The following NKIRAS1 variants were observed in gnomAD, a reference collection of about 807,000 sequenced individuals.
NKIRAS1 encodes the protein NF-kappa-B inhibitor-interacting Ras-like protein 1.
Under a neutral mutation model 19.8 loss-of-function variants are expected in NKIRAS1, and 16 were observed. The ratio of observed to expected loss-of-function variants is 0.81; its 90% CI spans 0.55 to 1.23. The LOEUF (loss-of-function observed/expected upper bound fraction) is 1.23, where lower values mean the gene tolerates loss of function less well. NKIRAS1 is among the 50% of genes most tolerant of loss of function. The pLI, the probability that NKIRAS1 is intolerant of heterozygous loss-of-function variation, is 0.00. For missense variants in NKIRAS1, 184 were observed against 220.0 expected, an observed-to-expected ratio of 0.84 and a Z score of 1.04; for synonymous variants, 88 against 79.0, an observed-to-expected ratio of 1.11 and a Z score of -0.61.
chr3:23,904,119 C>T (rs763701473), intron 3 of NKIRAS1, among the ~76,000 whole-genome samples: 21 of 152,000 alleles, frequency 1.4e-4, no homozygotes, highest in Non-Finnish European at 2.8e-4. Flanking sequence ...GAGCTGAGAT[C>T]GTGCCACTGC....
chr3:23,943,788 A>AT lies in NKIRAS1; in HGVS notation c.-140+2534dup, dbSNP rs774521201. Among the ~76,000 whole-genome samples the AT allele has an allele frequency of 7.2e-5, 11 of 152,348 alleles. No homozygotes were observed. The East Asian group carries it at 1.7e-3, about 24-fold the overall frequency. On this transcript the variant is annotated intron_variant, in intron 1 of 4. Transcript: ENST00000421515. ...TAGGGAAGAATAGAGGGCTACCGTG[A>AT]TTAGGGAACTGTGTTTAGAAGGGTT...
At position 23,926,159 on chromosome 3, in the gene NKIRAS1, T is replaced by C. The variant is rs1705207928; in HGVS notation, c.-139-14709A>G. Among the ~76,000 whole-genome samples, 1 of 152,108 alleles carries C rather than the reference T, an allele frequency of 6.6e-6. No homozygotes were observed. Among genetic ancestry groups the C allele is most frequent in the African/African-American group, 2.4e-5 (1 of 41,434 alleles). On this transcript the variant is annotated intron_variant, in intron 1 of 4. Coordinates refer to the NKIRAS1 transcript ENST00000421515. The surrounding 1 kb of genome is among the most constrained non-coding windows in gnomAD (Gnocchi z 4.3). ...TCTGCCTCCCAGGTTCAAGCAATTC[T>C]CCCTGCCTCAGCCTCCCAAGTAGCT...
intron 1 of NKIRAS1, among the ~76,000 whole-genome samples, chr3:23,914,114 G>A (rs532435018): frequency 6.6e-6 from 1 of 151,342 alleles, no homozygotes; most frequent in Admixed American, 6.6e-5. Flanking sequence ...TTACTTTCCA[G>A]GCTAATCAAT....
intron 1 of NKIRAS1, among the ~76,000 whole-genome samples, chr3:23,931,655 C>A (rs903423478): frequency 3.1e-4 from 47 of 151,702 alleles, no homozygotes; most frequent in Non-Finnish European, 5.1e-4. Context: ...TTTGTTTTGT[C>A]CACCAATACG....
At chr3:23,932,073 T>G (rs1705328002) in intron 1 of NKIRAS1, among the ~76,000 whole-genome samples, 1 of 152,184 alleles carries the variant, frequency 6.6e-6, no homozygotes, top group Non-Finnish European at 1.5e-5. Flanking sequence ...TTGAAGTTTT[T>G]GATTCTCTTT....
At chr3:23,908,571 C>A (rs1703306592) in intron 3 of NKIRAS1, among the ~76,000 whole-genome samples, 1 of 143,316 alleles carries the variant, frequency 7.0e-6, no homozygotes, top group Non-Finnish European at 1.6e-5. Flanking sequence ...TCAATGCCAC[C>A]TTTCTATTTT....
rs1188503251 is a variant in NKIRAS1, at chr3:23,926,257, G to A, written c.-139-14807C>T. Among the ~76,000 whole-genome samples the A allele has an allele frequency of 1.3e-5, 2 of 152,118 alleles. No homozygotes were observed. Among genetic ancestry groups the A allele is most frequent in the African/African-American group, 4.8e-5 (2 of 41,394 alleles). On this transcript the variant is annotated intron_variant, in intron 1 of 4. Transcript: ENST00000421515. This position sits in a 1 kb window ranked among gnomAD's most constrained non-coding sequence, Gnocchi z 4.3. The stretch of plus-strand genomic sequence containing the variant: ...AGTAGAGACAGGGTTTCGCCGTGTT[G>A]GCCAGGCTGGTCTCAAACGCCTGAC...
intron 1 of NKIRAS1, among the ~76,000 whole-genome samples, chr3:23,938,946 G>A (rs1238412409): frequency 2.6e-5 from 4 of 152,190 alleles, no homozygotes; most frequent in African/African-American, 9.6e-5. Flanking sequence ...AGAGGGAAGT[G>A]CCCAGCTAGC....
chr3:23,930,770 A>G (rs956094987), intron 1 of NKIRAS1, among the ~76,000 whole-genome samples: 2 of 152,018 alleles, frequency 1.3e-5, no homozygotes, highest in Non-Finnish European at 2.9e-5. Flanking sequence ...TGACACAATC[A>G]TGGCTCATTG....
chr3:23,920,086 G>A (rs1481591037), upstream of NKIRAS1: 1 of 985,752 alleles, frequency 1.0e-6, no homozygotes, highest in Non-Finnish European at 1.2e-6. Flanking sequence ...TTTTGAAGTT[G>A]AATGTGCGAT....
At chr3:23,913,301 T>G (rs1286311920) in intron 1 of NKIRAS1, among the ~76,000 whole-genome samples, 1 of 152,110 alleles carries the variant, frequency 6.6e-6, no homozygotes, top group Non-Finnish European at 1.5e-5. Flanking sequence ...AGCTAAGAAT[T>G]TTAAGCATTT....
intron 4 of NKIRAS1, among the ~76,000 whole-genome samples, chr3:23,899,332 ATC>A (rs751071611): frequency 2.0e-5 from 3 of 152,126 alleles, no homozygotes; most frequent in Non-Finnish European, 1.5e-5. Context: ...TGGGTAAGGG[ATC>A]TCTCTCTGTT....
chr3:23,899,272 C>T (rs186295436), intron 4 of NKIRAS1, among the ~76,000 whole-genome samples: 15 of 152,186 alleles, frequency 9.9e-5, no homozygotes, highest in African/African-American at 3.4e-4. Flanking sequence ...AACACAAATA[C>T]GGTGGTTATG....
At chr3:23,908,879 T>G (rs1405491728) in intron 3 of NKIRAS1, among the ~76,000 whole-genome samples, 2 of 151,888 alleles carry the variant, frequency 1.3e-5, no homozygotes, top group African/African-American at 4.8e-5. Context: ...CATTTTGTTT[T>G]GTTTTTAGTG....
Position 23,891,610 on chromosome 3 carries a change from T to C in NKIRAS1, c.*1485A>G, listed in dbSNP as rs1327273137. On this transcript the variant is annotated 3_prime_UTR_variant, in exon 5 of 5. Coordinates refer to ENST00000425478, the MANE Select transcript of NKIRAS1 (RefSeq NM_020345.4). ...AGTACATGAGAAATGGGTTCCGTCA[T>C]GGATAAATTGGTACCCTGCCTTAGG... The C allele has an allele frequency of 2.0e-5, 3 of 152,232 alleles. No homozygotes were observed. 9.4% of individuals were successfully genotyped at this position (152,232 alleles called of 1,614,324 possible).
In NKIRAS1 at chr3:23,926,126, C is replaced by G. The variant is rs1189907391; in HGVS notation, c.-139-14676G>C. On this transcript the variant is annotated intron_variant, in intron 1 of 4. Transcript: ENST00000421515. The surrounding 1 kb of genome is among the most constrained non-coding windows in gnomAD (Gnocchi z 4.3). ...AGTGCAGTGGCACAATCTTGGCTCA[C>G]TGTAACCTCTGCCTCCCAGGTTCAA... Among the ~76,000 whole-genome samples, 2 of 152,192 alleles carry G rather than the reference C, an allele frequency of 1.3e-5. No individual in the cohort carries two copies. Among genetic ancestry groups the G allele is most frequent in the Non-Finnish European group, 2.9e-5 (2 of 68,044 alleles).
chr3:23,940,802 T>G (rs1026155044), intron 1 of NKIRAS1, among the ~76,000 whole-genome samples: 1 of 152,274 alleles, frequency 6.6e-6, no homozygotes, highest in Admixed American at 6.5e-5. Context: ...ATACCATGAA[T>G]GGAACGGTAA....
intron 1 of NKIRAS1, among the ~76,000 whole-genome samples, chr3:23,912,148 C>A (rs1703810657): frequency 6.6e-6 from 1 of 152,054 alleles, no homozygotes; most frequent in African/African-American, 2.4e-5. Flanking sequence ...GACTTCATGA[C>A]TAAAACACCA....
intron 1 of NKIRAS1, among the ~76,000 whole-genome samples, chr3:23,934,070 G>A (rs1705357036): frequency 6.6e-6 from 1 of 152,156 alleles, no homozygotes; most frequent in African/African-American, 2.4e-5. Context: ...TTAATTTGGA[G>A]GAACACATTC....
Sources: gnomAD v4.1 joint callset for allele counts (sites outside exome capture counted in the v4.1 genomes callset) on GRCh38, gnomAD v4.1.1 for gene constraint, Gnocchi (gnomAD v3.1) non-coding constraint, MANE v1.5 for transcripts, NCBI Gene and HGNC (gene_info 2026-07-23, HGNC 2026-07-21) for gene names.